PHLDB2: variants seen among roughly 807,000 people sequenced by gnomAD.
PHLDB2 encodes the protein pleckstrin homology like domain family B member 2, also known as pleckstrin homology-like domain family B member 2.
Under a neutral mutation model 123.6 loss-of-function variants are expected in PHLDB2, and 71 were observed. That is an observed-to-expected ratio of 0.57 (90% CI 0.47 to 0.70). The LOEUF (loss-of-function observed/expected upper bound fraction) is 0.70. Among genes scored for constraint, PHLDB2 ranks in the 30% least tolerant of loss-of-function variants. The pLI is 0.00. For missense variants in PHLDB2, 1,446 were observed against 1,519.5 expected (o/e 0.95, Z 0.80); for synonymous variants, 547 against 541.6 (o/e 1.01, Z -0.14).
chr3:111,911,774 C>G (rs1336985185), intron 2 of PHLDB2: 10 of 1,472,352 alleles, frequency 6.8e-6, no homozygotes. Flanking sequence ...CAAGCTATTG[C>G]TCTTTTGTTT....
intron 1 of PHLDB2, among the ~76,000 whole-genome samples, chr3:111,780,103 T>G (rs556468204): frequency 1.3e-5 from 2 of 151,482 alleles, no homozygotes; most frequent in Non-Finnish European, 2.9e-5. Context: ...ATAGCTCTTC[T>G]GTGGTTTGGA....
chr3:111,789,719 T>C (rs1459872747), intron 1 of PHLDB2, among the ~76,000 whole-genome samples: 1 of 152,200 alleles, frequency 6.6e-6, no homozygotes, highest in African/African-American at 2.4e-5. Context: ...TGTGCTTAGT[T>C]CATATGGTGT....
chr3:111,967,743 A>G lies in PHLDB2; in HGVS notation c.3234A>G (p.Glu1078=), dbSNP rs762040926. 6.2e-6 allele frequency: 10 copies of G among 1,613,030 alleles called. No homozygotes were observed. Among genetic ancestry groups the G allele is most frequent in the Non-Finnish European group, 8.5e-6 (10 of 1,179,692 alleles). The change falls in exon 15 of 18, where the codon GAA becomes GAG. Residue 1078 remains glutamate, a synonymous_variant. Transcript: ENST00000431670. ...EEEKRRREIL[E]KRLQEETSQR... is the part of the protein sequence containing the mutation. ...AAAAACGACGCCGGGAAATCCTGGA[A>G]AAACGATTACAGGAAGAAACTAGCC...
At chr3:111,750,439 T>C (rs1490782174) in intron 1 of PHLDB2, among the ~76,000 whole-genome samples, 1 of 152,192 alleles carries the variant, frequency 6.6e-6, no homozygotes, top group Non-Finnish European at 1.5e-5. Flanking sequence ...CATGAATAAC[T>C]GCTGAACAAT....
At chr3:111,958,225 A>G (rs2071175133) in intron 12 of PHLDB2, 2 of 974,360 alleles carry the variant, frequency 2.1e-6, no homozygotes, top group Non-Finnish European at 2.4e-6. Context: ...CTCCCTCTTC[A>G]TTCCTGACTT....
chr3:111,780,306 AGAGGAAGAG>A (rs1559827097), intron 1 of PHLDB2, among the ~76,000 whole-genome samples: 4 of 2,652 alleles, frequency 1.5e-3, no homozygotes, highest in African/African-American at 1.9e-3. Context: ...AGGAAGAGGA[AGAGGAAGAG>A]GAAGAGGAAG....
chr3:111,791,787 C>T (rs114157428), intron 1 of PHLDB2, among the ~76,000 whole-genome samples: 156 of 152,134 alleles, frequency 1.0e-3, no homozygotes, highest in Non-Finnish European at 1.9e-3. Flanking sequence ...TTAGGATATC[C>T]ATTGCTTCAA....
intron 1 of PHLDB2, among the ~76,000 whole-genome samples, chr3:111,761,383 T>C (rs1379546296): frequency 6.6e-6 from 1 of 151,912 alleles, no homozygotes; most frequent in African/African-American, 2.4e-5. Context: ...CACATGGGAG[T>C]GTATAAAGCT....
In PHLDB2 at chr3:111,913,372, T is replaced by A; in HGVS notation, c.1389T>A (p.Pro463=). 6.2e-7 allele frequency: 1 copy of A among 1,613,610 alleles called. No homozygotes were observed. The highest frequency in any genetic ancestry group is 8.5e-7 in the Non-Finnish European group (1 of 1,179,742). The change falls in exon 3 of 18, where the codon CCT becomes CCA. Residue 463 remains proline (P), a synonymous_variant. Coordinates refer to ENST00000431670, the MANE Select transcript of PHLDB2 (RefSeq NM_001134438.2). The stretch of plus-strand genomic sequence containing the variant: ...GTCTCTGTGCTGAATACACAAAGCC[T>A]GACAGTCGCTTATCTACTGGGACCA... The part of the protein sequence containing the change: ...ILSLCAEYTK[P]DSRLSTGTTV...
chr3:111,801,788 G>A (rs552391641), intron 1 of PHLDB2, among the ~76,000 whole-genome samples: 3 of 152,338 alleles, frequency 2.0e-5, no homozygotes, highest in Admixed American at 1.3e-4. Flanking sequence ...GTGTGGAATA[G>A]TCAAGTCTAT....
chr3:111,895,178 C>A (rs2055365), intron 2 of PHLDB2, among the ~76,000 whole-genome samples: 91,688 of 151,948 alleles, frequency 0.6, 28,438 homozygotes, highest in East Asian at 0.94. Flanking sequence ...ATTGGGGAAA[C>A]AGAGCTAAAG....
intron 6 of PHLDB2, among the ~76,000 whole-genome samples, chr3:111,934,039 T>C (rs1317254219): frequency 6.6e-6 from 1 of 152,238 alleles, no homozygotes; most frequent in Non-Finnish European, 1.5e-5. Context: ...ATATCAGTTA[T>C]ATGTTCCAAA....
intron 1 of PHLDB2, among the ~76,000 whole-genome samples, chr3:111,804,040 T>C (rs1229765235): frequency 6.6e-6 from 1 of 152,170 alleles, no homozygotes; most frequent in Non-Finnish European, 1.5e-5. Context: ...TTTTGTTCAG[T>C]ATCACATCCC....
At chr3:111,918,099 A>T (rs1192689471) in intron 3 of PHLDB2, among the ~76,000 whole-genome samples, 2 of 152,210 alleles carry the variant, frequency 1.3e-5, no homozygotes, top group Non-Finnish European at 2.9e-5. Context: ...CTACCAGGTG[A>T]TATCCAAGAT....
chr3:111,765,075 C>CA (rs981250472), intron 1 of PHLDB2, among the ~76,000 whole-genome samples: 2 of 152,070 alleles, frequency 1.3e-5, no homozygotes, highest in African/African-American at 2.4e-5. Flanking sequence ...TTAATAGGGC[C>CA]AAAAAAAGTC....
intron 1 of PHLDB2, among the ~76,000 whole-genome samples, chr3:111,838,350 A>T (rs1186592886): frequency 6.6e-6 from 1 of 151,970 alleles, no homozygotes; most frequent in Non-Finnish European, 1.5e-5. Context: ...GCCTCTGGCA[A>T]CCTAGAAGAG....
At chr3:111,898,182 TTGTGTGTGTGTG>T (rs58183787) in intron 2 of PHLDB2, among the ~76,000 whole-genome samples, 1 of 142,552 alleles carries the variant, frequency 7.0e-6, no homozygotes, top group Non-Finnish European at 1.5e-5. Flanking sequence ...GTGTGTGTGT[TTGTGTGTGTGTG>T]TGTGTGTGTG....
intron 1 of PHLDB2, among the ~76,000 whole-genome samples, chr3:111,736,350 C>T (rs1254050012): frequency 2.0e-5 from 3 of 152,132 alleles, no homozygotes; most frequent in African/African-American, 7.2e-5. Flanking sequence ...AAATTTCAGT[C>T]TTTGAAATCA....
intron 8 of PHLDB2, among the ~76,000 whole-genome samples, chr3:111,943,207 A>G (rs954924227): frequency 2.0e-5 from 3 of 152,188 alleles, no homozygotes; most frequent in African/African-American, 4.8e-5. Flanking sequence ...AAATAGATCA[A>G]TGAAACTGAA....
Sources: gnomAD v4.1 joint callset for allele counts (sites outside exome capture counted in the v4.1 genomes callset) on GRCh38, gnomAD v4.1.1 for gene constraint, MANE v1.5 for transcripts, NCBI Gene and HGNC (gene_info 2026-07-23, HGNC 2026-07-21) for gene names.